The following SLC30A7 variants were observed in gnomAD, a reference collection of about 807,000 sequenced individuals.
The protein encoded by SLC30A7 is zinc transporter 7.
SLC30A7 carries 35 observed loss-of-function variants against 46.0 expected under a neutral mutation model. The ratio of observed to expected loss-of-function variants is 0.76; its 90% CI spans 0.58 to 1.01. SLC30A7 has a LOEUF of 1.01. Among genes scored for constraint, SLC30A7 ranks in the 50% least tolerant of loss-of-function variants. The pLI, the probability that SLC30A7 is intolerant of heterozygous loss-of-function variation, is 0.00. For synonymous variants in SLC30A7, 147 were observed against 157.8 expected (o/e 0.93, Z 0.51); for missense variants, 464 against 451.1 (o/e 1.03, Z -0.26).
intron 8 of SLC30A7, among the ~76,000 whole-genome samples, chr1:100,929,602 G>T (rs1653546755): frequency 6.6e-6 from 1 of 151,996 alleles, no homozygotes; most frequent in South Asian, 2.1e-4. Flanking sequence ...AATTCTCTGG[G>T]TCTACTGCTG....
At chr1:100,995,626 G>A in the SLC30A7 span, 1 of 155,898 alleles carries the variant, frequency 6.4e-6, no homozygotes, top group African/African-American at 2.4e-5. Flanking sequence ...AAGTATTCAT[G>A]CTTTTAACAG....
At chr1:100,933,037 G>A (rs185894870) in intron 8 of SLC30A7, among the ~76,000 whole-genome samples, 1 of 149,946 alleles carries the variant, frequency 6.7e-6, no homozygotes, top group Non-Finnish European at 1.5e-5. Context: ...GTGCTGTGGC[G>A]CAATCTCGGC....
At chr1:100,986,299 C>T (rs977210979), downstream of SLC30A7, among the ~76,000 whole-genome samples, 3 of 151,984 alleles carry the variant, frequency 2.0e-5, no homozygotes, top group African/African-American at 7.3e-5. Context: ...ATCCCAGCTA[C>T]TCGGGAGGCT....
chr1:100,967,565 A>T (rs1390187379), intron 10 of SLC30A7, among the ~76,000 whole-genome samples: 2 of 152,202 alleles, frequency 1.3e-5, no homozygotes, highest in African/African-American at 4.8e-5. Flanking sequence ...TGAAACTGAC[A>T]TTATATTCCT....
At chr1:100,951,553 C>T (rs1423424933) in intron 8 of SLC30A7, among the ~76,000 whole-genome samples, 2 of 152,286 alleles carry the variant, frequency 1.3e-5, no homozygotes, top group African/African-American at 4.8e-5. Flanking sequence ...CAAGGTGCAC[C>T]TCTTTTCTTC....
At position 100,937,446 on chromosome 1, in the gene SLC30A7, C is replaced by CTGTTT. The variant is rs1394967138; in HGVS notation, c.842+15617_842+15621dup. 1.1e-4 allele frequency among the ~76,000 whole-genome samples: 16 copies of CTGTTT among 152,226 alleles called. No individual in the cohort carries two copies. In the East Asian group the frequency reaches 1.9e-3, roughly 18 times the overall value. The stretch of plus-strand genomic sequence containing the variant: ...CATGCTTTCCAAAACTTGTTATTTT[C>CTGTTT]TGTTTTGTTTTGTTTTTGTTTTTAT... On this transcript the variant is annotated intron_variant, in intron 8 of 10. Coordinates refer to ENST00000357650, the MANE Select transcript of SLC30A7 (RefSeq NM_133496.5).
chr1:100,969,820 C>T (rs1656057870), intron 10 of SLC30A7, among the ~76,000 whole-genome samples: 2 of 152,106 alleles, frequency 1.3e-5, no homozygotes, highest in Admixed American at 1.3e-4. Context: ...GACTTTCATT[C>T]CTACATTTAA....
intron 8 of SLC30A7, among the ~76,000 whole-genome samples, chr1:100,956,443 A>G (rs1655232100): frequency 6.6e-6 from 1 of 152,196 alleles, no homozygotes; most frequent in African/African-American, 2.4e-5. Context: ...TGGAATACAC[A>G]CATAAAAATT....
Position 100,926,546 on chromosome 1 carries a change from G to GC in SLC30A7, c.842+4709dup, listed in dbSNP as rs199744268. Reference sequence around the variant, plus strand: ...CCATGATCCAAACACCTCCCACCAGGCCCCACCTCCAGCACTGGGGATTAC... The same window carrying GC: ...CCATGATCCAAACACCTCCCACCAGGCCCCCACCTCCAGCACTGGGGATTAC... On this transcript the variant is annotated intron_variant, in intron 8 of 10. Coordinates refer to ENST00000357650, the MANE Select transcript of SLC30A7 (RefSeq NM_133496.5). 4.1e-3 allele frequency among the ~76,000 whole-genome samples: 623 copies of GC among 152,240 alleles called. 9 individuals are homozygous for GC. The highest frequency in any genetic ancestry group is 0.015 in the African/African-American group (606 of 41,548).
intron 8 of SLC30A7, among the ~76,000 whole-genome samples, chr1:100,957,857 C>CT (rs965966124): frequency 4.6e-5 from 7 of 151,256 alleles, no homozygotes; most frequent in South Asian, 2.1e-4. Flanking sequence ...GTGATGGATT[C>CT]TTTTTTTTTC....
intron 8 of SLC30A7, among the ~76,000 whole-genome samples, chr1:100,939,605 G>A (rs1654216029): frequency 6.6e-6 from 1 of 151,778 alleles, no homozygotes; most frequent in African/African-American, 2.4e-5. Context: ...GGGAGGCCAG[G>A]GTGGGCAGAT....
At chr1:100,957,872 G>A (rs1655312178) in intron 8 of SLC30A7, among the ~76,000 whole-genome samples, 1 of 151,704 alleles carries the variant, frequency 6.6e-6, no homozygotes, top group African/African-American at 2.4e-5. Flanking sequence ...TTTTTCCTGA[G>A]AAATGAGGAT....
intron 8 of SLC30A7, among the ~76,000 whole-genome samples, chr1:100,947,117 C>A (rs532783005): frequency 1.3e-5 from 2 of 152,038 alleles, no homozygotes; most frequent in Non-Finnish European, 2.9e-5. Flanking sequence ...TTTGTTTGCT[C>A]TTGGTTTTCT....
chr1:100,931,941 C>T (rs570889769), intron 8 of SLC30A7, among the ~76,000 whole-genome samples: 1 of 152,274 alleles, frequency 6.6e-6, no homozygotes, highest in South Asian at 2.1e-4. Context: ...GCTATTTCTG[C>T]TTTTAATCTA....
intron 8 of SLC30A7, among the ~76,000 whole-genome samples, chr1:100,932,091 C>T: frequency 6.6e-6 from 1 of 152,046 alleles, no homozygotes; most frequent in Non-Finnish European, 1.5e-5. Flanking sequence ...TCCTTTTCCA[C>T]AAAAGTTTTA....
chr1:100,983,863 CAAATA>C (rs1488358287), downstream of SLC30A7, among the ~76,000 whole-genome samples: 44 of 152,202 alleles, frequency 2.9e-4, no homozygotes, highest in African/African-American at 1.0e-3. Flanking sequence ...TGTAAAATTA[CAAATA>C]AAATAAGGTC....
chr1:100,941,229 C>A (rs1654328602), intron 8 of SLC30A7: 2 of 376,700 alleles, frequency 5.3e-6, no homozygotes, highest in Non-Finnish European at 1.0e-5. Context: ...TCCATTATTA[C>A]AAAATCCATT....
rs767192885 is a variant in SLC30A7, at chr1:100,913,671, C to A, written c.520C>A (p.His174Asn). Residue 174 changes from histidine (H) to asparagine (N), a missense_variant, in exon 6 of 11, where the codon CAC (histidine) becomes AAC (asparagine). Coordinates refer to ENST00000357650, the MANE Select transcript of SLC30A7 (RefSeq NM_133496.5). ...HGHSHGSGHG[H>N]SHSLFNGALD... ...AACACTTTGTTTTCTAGGCCACGGACACAGTCATTCCCTCTTTAATGGTGC... is the reference window on the plus strand; with the variant it reads ...AACACTTTGTTTTCTAGGCCACGGAAACAGTCATTCCCTCTTTAATGGTGC... The A allele has an allele frequency of 6.2e-7, 1 of 1,613,660 alleles. No homozygotes were observed. Among genetic ancestry groups the A allele is most frequent in the South Asian group, 1.1e-5 (1 of 91,054 alleles).
rs751604850 is a variant in SLC30A7 at position 100,921,786 on chromosome 1, C to G, written c.787C>G (p.Leu263Val). The G allele has an allele frequency of 1.9e-6, 3 of 1,613,072 alleles. No homozygotes were observed. Among genetic ancestry groups the G allele is most frequent in the East Asian group, 4.5e-5 (2 of 44,782 alleles). The change falls in exon 8 of 11, where the codon CTG becomes GTG. Residue 263 changes from leucine to valine, a missense_variant. Physicochemically the swap from Leu to Val is conservative, Grantham distance 32. Transcript: ENST00000357650. The part of the protein sequence containing the change: ...ASAIMMQNFG[L>V]MIADPICSIL... ...TGCCATCATGATGCAAAATTTTGGTCTGATGATAGCAGATCCTATCTGTTC... is the reference window on the plus strand; with the variant it reads ...TGCCATCATGATGCAAAATTTTGGTGTGATGATAGCAGATCCTATCTGTTC...
Sources: gnomAD v4.1 joint callset for allele counts (sites outside exome capture counted in the v4.1 genomes callset) on GRCh38, gnomAD v4.1.1 for gene constraint, MANE v1.5 for transcripts, NCBI Gene and HGNC (gene_info 2026-07-23, HGNC 2026-07-21) for gene names.